The following TMEM117 variants were observed in gnomAD, a reference collection of about 807,000 sequenced individuals.
TMEM117 encodes transmembrane protein 117.
A neutral mutation model predicts 52.4 loss-of-function variants in TMEM117; 27 were observed. That is an observed-to-expected ratio of 0.51 (90% CI 0.38 to 0.71). The LOEUF is 0.71. TMEM117 is among the 30% of genes least tolerant of loss of function. The pLI is 0.00. For synonymous variants in TMEM117, 215 were observed against 206.3 expected (o/e 1.04, Z -0.36); for missense variants, 556 against 630.5 (o/e 0.88, Z 1.26).
intron 5 of TMEM117, among the ~76,000 whole-genome samples, chr12:44,222,298 A>T (rs1455050303): frequency 6.6e-6 from 1 of 152,064 alleles, no homozygotes; most frequent in African/African-American, 2.4e-5. Context: ...TCACCTTTGC[A>T]TCCTCTTAGT....
At chr12:44,010,560 T>G (rs1157698422) in intron 3 of TMEM117, among the ~76,000 whole-genome samples, 1 of 152,242 alleles carries the variant, frequency 6.6e-6, no homozygotes, top group African/African-American at 2.4e-5. Flanking sequence ...GCGCTTGTTC[T>G]TTGCTTCTGT....
At chr12:44,087,405 GTGTT>G (rs1947588140) in intron 3 of TMEM117, among the ~76,000 whole-genome samples, 1 of 151,832 alleles carries the variant, frequency 6.6e-6, no homozygotes, top group Non-Finnish European at 1.5e-5. Context: ...TGAATTTGCA[GTGTT>G]TTTTTCTTAC....
At position 43,959,702 on chromosome 12, in the gene TMEM117, T is replaced by C. The variant is rs189765091; in HGVS notation, c.410+15360T>C. Among the ~76,000 whole-genome samples the C allele has an allele frequency of 1.3e-3, 196 of 152,326 alleles. 1 individual carries two copies. The highest frequency in any genetic ancestry group is 4.5e-3 in the African/African-American group (189 of 41,564). ...TCCTTCCAAGGAAGGAGTGTTTGTG[T>C]GTTTGCTTCTTTGTTTTATTTATTT... On this transcript the variant is annotated intron_variant, in intron 3 of 7. Coordinates refer to ENST00000266534, the MANE Select transcript of TMEM117 (RefSeq NM_032256.3).
intron 6 of TMEM117, among the ~76,000 whole-genome samples, chr12:44,372,535 T>C (rs563901020): frequency 6.6e-6 from 1 of 150,688 alleles, no homozygotes; most frequent in African/African-American, 2.4e-5. Flanking sequence ...TTGAAGAAAA[T>C]GTTAAAGTTG....
At chr12:44,344,346 A>T (rs751389682) in intron 6 of TMEM117, among the ~76,000 whole-genome samples, 6 of 152,134 alleles carry the variant, frequency 3.9e-5, no homozygotes, top group Non-Finnish European at 8.8e-5. Context: ...TTGTGCAGTT[A>T]CACTGCTTCC....
At chr12:44,091,823 T>A (rs1177664721) in intron 3 of TMEM117, among the ~76,000 whole-genome samples, 2 of 152,250 alleles carry the variant, frequency 1.3e-5, no homozygotes, top group African/African-American at 4.8e-5. Context: ...GTTGTTTCTT[T>A]TTTCTGTTAG....
intron 2 of TMEM117, among the ~76,000 whole-genome samples, chr12:43,902,293 C>T (rs1465588028): frequency 6.6e-6 from 1 of 152,100 alleles, no homozygotes; most frequent in Non-Finnish European, 1.5e-5. Context: ...ATCCAGAGAG[C>T]TGACATAATG....
intron 3 of TMEM117, among the ~76,000 whole-genome samples, chr12:44,015,077 T>C (rs946352638): frequency 7.9e-5 from 12 of 152,032 alleles, no homozygotes; most frequent in African/African-American, 2.9e-4. Flanking sequence ...AACTCAGAGA[T>C]TTGAGACACA....
the TMEM117 span, among the ~76,000 whole-genome samples, chr12:44,398,677 C>T: frequency 5.9e-5 from 9 of 152,148 alleles, no homozygotes; most frequent in Non-Finnish European, 1.3e-4. Flanking sequence ...ACTGGGACAC[C>T]GCTGGATTTT....
intron 4 of TMEM117, among the ~76,000 whole-genome samples, chr12:44,180,960 T>G (rs1409334770): frequency 2.6e-3 from 398 of 151,920 alleles, no homozygotes; most frequent in Non-Finnish European, 4.7e-3. Flanking sequence ...CTAGTTTACA[T>G]TCCCACCAAC....
chr12:44,104,182 A>G (rs1370663342), intron 3 of TMEM117, among the ~76,000 whole-genome samples: 1 of 152,042 alleles, frequency 6.6e-6, no homozygotes, highest in Non-Finnish European at 1.5e-5. Flanking sequence ...AATTGAATGT[A>G]AATATTGTTG....
upstream of TMEM117, among the ~76,000 whole-genome samples, chr12:43,832,242 T>C (rs1942987103): frequency 1.3e-5 from 2 of 152,234 alleles, no homozygotes; most frequent in Non-Finnish European, 2.9e-5. Context: ...CCAATTGATT[T>C]TGACCTAGAG....
At chr12:43,797,004 C>T in the TMEM117 span, 9 of 1,611,000 alleles carry the variant, frequency 5.6e-6, no homozygotes, top group African/African-American at 1.3e-5. Flanking sequence ...TTGTAGTTGT[C>T]TTTCTACAAT....
intron 2 of TMEM117, among the ~76,000 whole-genome samples, chr12:43,926,598 T>C (rs1944782362): frequency 2.6e-5 from 4 of 152,218 alleles, no homozygotes; most frequent in African/African-American, 9.6e-5. Flanking sequence ...CTTGAATGTT[T>C]GTGAAAGAAC....
At chr12:44,194,952 G>A (rs1045210700) in intron 4 of TMEM117, among the ~76,000 whole-genome samples, 2 of 152,186 alleles carry the variant, frequency 1.3e-5, no homozygotes, top group African/African-American at 4.8e-5. Context: ...TTCTGTTAAA[G>A]AGCAAAGATT....
intron 6 of TMEM117, among the ~76,000 whole-genome samples, chr12:44,354,152 A>G (rs1951608345): frequency 6.6e-6 from 1 of 152,154 alleles, no homozygotes; most frequent in African/African-American, 2.4e-5. Context: ...TTGTATCCTG[A>G]GACTTTGCTG....
intron 3 of TMEM117, among the ~76,000 whole-genome samples, chr12:44,137,285 G>C (rs753720992): frequency 4.6e-5 from 7 of 152,024 alleles, no homozygotes; most frequent in Non-Finnish European, 7.4e-5. Context: ...TTTCTCAGTG[G>C]ACAGACTGAG....
intron 3 of TMEM117, among the ~76,000 whole-genome samples, chr12:44,021,067 T>C (rs1033995395): frequency 6.6e-6 from 1 of 152,182 alleles, no homozygotes; most frequent in Admixed American, 6.6e-5. Context: ...ACAGATTACC[T>C]GAAATTCAGT....
chr12:44,114,079 G>A lies in TMEM117; in HGVS notation c.411-29446G>A, dbSNP rs868527404. 9.7e-4 allele frequency among the ~76,000 whole-genome samples: 143 copies of A among 146,876 alleles called. 2 individuals carry two copies. Among genetic ancestry groups the A allele is most frequent in the Middle Eastern group, 7.0e-3 (2 of 286 alleles). On this transcript the variant is annotated intron_variant, in intron 3 of 7. Coordinates refer to ENST00000266534, the MANE Select transcript of TMEM117 (RefSeq NM_032256.3). ...CCCTGCTTCGGCTCGCGCACGGTGC[G>A]CACACACACTGGCCTGCGCCCACTG...
Sources: allele counts gnomAD v4.1 joint callset (sites outside exome capture counted in the v4.1 genomes callset), GRCh38; gene constraint gnomAD v4.1.1; transcripts MANE v1.5; gene names NCBI Gene and HGNC (gene_info 2026-07-23, HGNC 2026-07-21).